The following CDH18 variants were observed in gnomAD, a reference collection of about 807,000 sequenced individuals.
CDH18 encodes cadherin 18.
In CDH18, 31 loss-of-function variants were observed where a neutral mutation model predicts 67.9. That is an observed-to-expected ratio of 0.46 (90% CI 0.34 to 0.62). The LOEUF is 0.62. Among genes scored for constraint, CDH18 ranks in the 20% least tolerant of loss-of-function variants. The pLI, the probability that CDH18 is intolerant of heterozygous loss-of-function variation, is 0.01. For missense variants in CDH18, 890 were observed against 975.5 expected, an observed-to-expected ratio of 0.91 and a Z score of 1.17; for synonymous variants, 362 against 347.2, an observed-to-expected ratio of 1.04 and a Z score of -0.48.
chr5:20,042,876 G>C (rs1312250721), intron 2 of CDH18, among the ~76,000 whole-genome samples: 1 of 151,904 alleles, frequency 6.6e-6, no homozygotes, highest in Non-Finnish European at 1.5e-5. Flanking sequence ...GCAGGAGAAT[G>C]GCGTGAACCC....
intron 5 of CDH18, among the ~76,000 whole-genome samples, chr5:19,618,450 C>T (rs1750182430): frequency 6.6e-6 from 1 of 152,138 alleles, no homozygotes; most frequent in Non-Finnish European, 1.5e-5. Flanking sequence ...AAATGATCCA[C>T]CCACTTTGGC....
chr5:19,695,315 T>C (rs925287500), intron 5 of CDH18, among the ~76,000 whole-genome samples: 3 of 152,216 alleles, frequency 2.0e-5, no homozygotes, highest in African/African-American at 7.2e-5. Flanking sequence ...ATTGTGGTTA[T>C]GTTGTTTCTT....
chr5:19,914,349 A>C (rs1023205679), intron 2 of CDH18, among the ~76,000 whole-genome samples: 8 of 152,096 alleles, frequency 5.3e-5, no homozygotes, highest in Non-Finnish European at 1.2e-4. Context: ...CAGAGCCTTG[A>C]GACACCCTCT....
At chr5:20,261,867 A>C (rs1051957133) in intron 1 of CDH18, among the ~76,000 whole-genome samples, 1 of 152,210 alleles carries the variant, frequency 6.6e-6, no homozygotes, top group East Asian at 1.9e-4. Context: ...ACTATGTAAT[A>C]TAATTAGAAT....
intron 1 of CDH18, among the ~76,000 whole-genome samples, chr5:19,985,467 T>C (rs1799463909): frequency 6.6e-6 from 1 of 152,012 alleles, no homozygotes; most frequent in Admixed American, 6.6e-5. Context: ...CCCCAGGGGA[T>C]AGTTAACAAT....
chr5:20,205,544 C>T (rs1487367072), intron 2 of CDH18, among the ~76,000 whole-genome samples: 5 of 151,850 alleles, frequency 3.3e-5, no homozygotes, highest in Non-Finnish European at 7.4e-5. Flanking sequence ...TAGTTTCATG[C>T]AACTTCTGCA....
chr5:19,713,021 ATTGAT>A (rs1320600404), intron 5 of CDH18, among the ~76,000 whole-genome samples: 2 of 151,936 alleles, frequency 1.3e-5, no homozygotes, highest in African/African-American at 4.8e-5. Context: ...CCTGTTATCT[ATTGAT>A]TTAATATTTG....
At chr5:20,203,854 CTAT>C (rs1166977652) in intron 2 of CDH18, among the ~76,000 whole-genome samples, 1 of 151,724 alleles carries the variant, frequency 6.6e-6, no homozygotes, top group Admixed American at 6.6e-5. Flanking sequence ...TAAGAAAACT[CTAT>C]TATTACCAAA....
intron 1 of CDH18, among the ~76,000 whole-genome samples, chr5:20,532,822 A>G (rs1756494338): frequency 6.6e-6 from 1 of 151,914 alleles, no homozygotes; most frequent in African/African-American, 2.4e-5. Context: ...ATCTCTCTTA[A>G]TATTGATGTT....
intron 1 of CDH18, among the ~76,000 whole-genome samples, chr5:20,454,594 C>A (rs552183671): frequency 2.0e-5 from 3 of 152,036 alleles, no homozygotes; most frequent in Non-Finnish European, 4.4e-5. Context: ...GCGTCTGGGA[C>A]TTTATCCTTC....
chr5:20,278,634 T>C (rs1468760621), intron 1 of CDH18, among the ~76,000 whole-genome samples: 1 of 152,172 alleles, frequency 6.6e-6, no homozygotes, highest in Non-Finnish European at 1.5e-5. Context: ...TTGTGGTGTG[T>C]AAACTATTTA....
At position 20,459,789 on chromosome 5, in the gene CDH18, A is replaced by G. The variant is rs73763413; in HGVS notation, c.-580+115673T>C. Among the ~76,000 whole-genome samples, 1,448 of 152,292 alleles carry G rather than the reference A, an allele frequency of 9.5e-3. 29 individuals are homozygous for G. Among genetic ancestry groups the G allele is most frequent in the South Asian group, 0.048 (231 of 4,830 alleles). ...TGATTGGTGGGAAAAGCATAGAGGTAGGAGAGTTAATTACCTTTCCTCTTG... is the reference window on the plus strand; with the variant it reads ...TGATTGGTGGGAAAAGCATAGAGGTGGGAGAGTTAATTACCTTTCCTCTTG... On this transcript the variant is annotated intron_variant, in intron 1 of 14. Coordinates refer to the CDH18 transcript ENST00000507958.
intron 11 of CDH18, among the ~76,000 whole-genome samples, chr5:19,496,222 G>C (rs142735809): frequency 6.6e-6 from 1 of 152,118 alleles, no homozygotes; most frequent in African/African-American, 2.4e-5. Flanking sequence ...ACAAATCAGA[G>C]ACAAACTGAA....
intron 1 of CDH18, among the ~76,000 whole-genome samples, chr5:20,449,832 AATAT>A (rs1554001267): frequency 6.6e-6 from 1 of 151,436 alleles, no homozygotes; most frequent in Non-Finnish European, 1.5e-5. Context: ...AAAAAGAAAA[AATAT>A]ATATATATAA....
At chr5:20,328,500 TGTGTGTGTGAGAGA>T (rs1188099701) in intron 1 of CDH18, among the ~76,000 whole-genome samples, 2 of 115,952 alleles carry the variant, frequency 1.7e-5, no homozygotes, top group South Asian at 2.8e-4. Context: ...TGTGTGTGTG[TGTGTGTGTGAGAGA>T]GAGAGAGAGA....
chr5:19,868,472 G>A (rs1018052455), intron 2 of CDH18, among the ~76,000 whole-genome samples: 8 of 152,032 alleles, frequency 5.3e-5, no homozygotes, highest in African/African-American at 1.4e-4. Flanking sequence ...CGAAACATAC[G>A]CTTAAAATTG....
intron 1 of CDH18, among the ~76,000 whole-genome samples, chr5:20,431,510 GAAGAAAAGAAGAATAGAAA>G (rs1296105122): frequency 1.5e-5 from 2 of 137,252 alleles, no homozygotes; most frequent in Non-Finnish European, 3.2e-5. Context: ...AAAAAAAGAA[GAAGAAAAGAAGAATAGAAA>G]AAGAAAAGAA....
intron 9 of CDH18, among the ~76,000 whole-genome samples, chr5:19,536,017 G>A (rs1749357071): frequency 6.6e-6 from 1 of 152,154 alleles, no homozygotes; most frequent in Admixed American, 6.5e-5. Context: ...TGAAGTTGTT[G>A]AGCTGGTATG....
At chr5:19,960,890 C>T (rs922853147) in intron 2 of CDH18, among the ~76,000 whole-genome samples, 2 of 150,370 alleles carry the variant, frequency 1.3e-5, no homozygotes, top group African/African-American at 2.4e-5. Context: ...TGCAGTAAAT[C>T]ATAACCCAAT....
Sources: allele counts gnomAD v4.1 joint callset (sites outside exome capture counted in the v4.1 genomes callset), GRCh38; gene constraint gnomAD v4.1.1; transcripts MANE v1.5; gene names NCBI Gene and HGNC (gene_info 2026-07-23, HGNC 2026-07-21).